The following RNF220 variants were observed in gnomAD, a reference collection of about 807,000 sequenced individuals.
RNF220 encodes ring finger protein 220, also known as E3 ubiquitin-protein ligase RNF220.
RNF220 carries 7 observed loss-of-function variants against 67.1 expected under a neutral mutation model. The observed-to-expected ratio is 0.10, with a 90% CI of 0.06 to 0.20. RNF220 has a LOEUF of 0.20. Ranked by LOEUF, RNF220 falls within the 10% of genes least tolerant of loss-of-function variation. The pLI is 1.00. For missense variants in RNF220, 565 were observed against 740.3 expected (o/e 0.76, Z 2.75); for synonymous variants, 270 against 283.2 (o/e 0.95, Z 0.47).
chr1:44,605,049 C>T (rs1183364682), intron 2 of RNF220, among the ~76,000 whole-genome samples: 1 of 152,092 alleles, frequency 6.6e-6, no homozygotes, highest in Non-Finnish European at 1.5e-5. Context: ...TGCCTGTAAT[C>T]CCAGCACTTT....
intron 2 of RNF220, among the ~76,000 whole-genome samples, chr1:44,560,237 G>A (rs1331849580): frequency 6.6e-6 from 1 of 152,190 alleles, no homozygotes; most frequent in Non-Finnish European, 1.5e-5. Flanking sequence ...CTAGATGGTG[G>A]CTGATGGAGT....
intron 8 of RNF220, among the ~76,000 whole-genome samples, chr1:44,637,662 A>C (rs546461856): frequency 2.6e-5 from 4 of 152,184 alleles, no homozygotes; most frequent in Non-Finnish European, 4.4e-5. Context: ...ATTTGACAAG[A>C]GTATTTCCCC....
chr1:44,500,976 C>T (rs1181391817), intron 2 of RNF220, among the ~76,000 whole-genome samples: 2 of 151,934 alleles, frequency 1.3e-5, no homozygotes, highest in Non-Finnish European at 2.9e-5. Context: ...GGCCTGGGGG[C>T]CCCATAGAGG....
intron 2 of RNF220, among the ~76,000 whole-genome samples, chr1:44,529,925 G>A (rs1415285442): frequency 6.6e-6 from 1 of 151,786 alleles, no homozygotes; most frequent in Admixed American, 6.6e-5. Context: ...ATGGTGGTGG[G>A]CGCCTCTACT....
chr1:44,475,437 G>T (rs1655207697), intron 2 of RNF220, among the ~76,000 whole-genome samples: 1 of 151,918 alleles, frequency 6.6e-6, no homozygotes, highest in South Asian at 2.1e-4. Flanking sequence ...CGGCATGGTG[G>T]CGCATGCCTG....
chr1:44,627,869 A>T (rs1644002363), intron 5 of RNF220, among the ~76,000 whole-genome samples: 1 of 152,230 alleles, frequency 6.6e-6, no homozygotes, highest in South Asian at 2.1e-4. Flanking sequence ...CAGCTGACAC[A>T]GCCTGGCCTG....
rs1644170713 is a variant in RNF220 at position 44,632,318 on chromosome 1, G to A, written c.907-25G>A. The A allele has an allele frequency of 1.9e-6, 3 of 1,614,054 alleles. No homozygotes were observed. In the East Asian group the frequency reaches 6.7e-5, roughly 36 times the overall value. ...GCCTGACGCTCTCTTTTCTTTTCTT[G>A]CATCTGCCCGCGATCTTCTCCCAGA... On this transcript the variant is annotated intron_variant, in intron 5 of 14. Transcript: ENST00000361799.
intron 2 of RNF220, among the ~76,000 whole-genome samples, chr1:44,452,694 C>A (rs565626178): frequency 6.6e-6 from 1 of 152,162 alleles, no homozygotes; most frequent in African/African-American, 2.4e-5. Flanking sequence ...TGGTCTCGAA[C>A]TCCTGACCTC....
chr1:44,515,986 G>A (rs1046375004), intron 2 of RNF220, among the ~76,000 whole-genome samples: 3 of 152,226 alleles, frequency 2.0e-5, no homozygotes, highest in African/African-American at 7.2e-5. Context: ...ATCTGAAGAT[G>A]AGACGCTAAA....
At position 44,436,411 on chromosome 1, in the gene RNF220, C is replaced by T. The variant is rs569235352; in HGVS notation, c.625+23689C>T. ...GAGATCGTGTGTGTGCTCACACACA[C>T]ACATGTGTGAGCAAAAGAGAGAATA... On this transcript the variant is annotated intron_variant, in intron 2 of 14. Transcript: ENST00000361799. Among the ~76,000 whole-genome samples, 14 of 96,362 alleles carry T rather than the reference C, an allele frequency of 1.5e-4. 1 individual carries two copies. The South Asian group carries it at 4.4e-3, about 31-fold the overall frequency. 63.2% of individuals were successfully genotyped at this position (96,362 alleles called of 152,430 possible).
chr1:44,646,516 G>T (rs55787877), intron 12 of RNF220, among the ~76,000 whole-genome samples: 1 of 152,236 alleles, frequency 6.6e-6, no homozygotes, highest in Non-Finnish European at 1.5e-5. Context: ...GAGGAATGAC[G>T]TATGGATGTT....
intron 2 of RNF220, among the ~76,000 whole-genome samples, chr1:44,430,753 G>A (rs967747585): frequency 1.3e-5 from 2 of 152,092 alleles, no homozygotes; most frequent in Non-Finnish European, 2.9e-5. Context: ...CACCATCTTG[G>A]CCAGGCTGGT....
At chr1:44,476,060 A>G (rs1025656620) in intron 2 of RNF220, among the ~76,000 whole-genome samples, 2 of 152,086 alleles carry the variant, frequency 1.3e-5, no homozygotes, top group Non-Finnish European at 2.9e-5. Context: ...ATACAGTATG[A>G]TATACATGCT....
chr1:44,623,259 A>C (rs1384221011), intron 4 of RNF220, among the ~76,000 whole-genome samples: 13 of 152,114 alleles, frequency 8.5e-5, no homozygotes, highest in Admixed American at 8.5e-4. Flanking sequence ...TCCTGAGGGG[A>C]ACAAGGAGCC....
chr1:44,644,592 C>T, intron 8 of RNF220, 106 bp from the exon 9 acceptor site: 1 of 798,804 alleles, frequency 1.3e-6, no homozygotes, highest in African/African-American at 1.7e-5. Flanking sequence ...AGGTTTCCCT[C>T]TGGGCCTTAT....
At chr1:44,464,836 C>A (rs888856381) in intron 2 of RNF220, among the ~76,000 whole-genome samples, 1 of 152,136 alleles carries the variant, frequency 6.6e-6, no homozygotes, top group African/African-American at 2.4e-5. Flanking sequence ...AACTGCTCTC[C>A]TTGTCTCTGG....
intron 1 of RNF220, among the ~76,000 whole-genome samples, chr1:44,407,647 A>T (rs551507368): frequency 6.6e-6 from 1 of 152,106 alleles, no homozygotes; most frequent in African/African-American, 2.4e-5. Flanking sequence ...CTGTTCTGCG[A>T]GCCGCGCGGT....
At chr1:44,550,662 T>C (rs1479088525) in intron 2 of RNF220, among the ~76,000 whole-genome samples, 1 of 152,162 alleles carries the variant, frequency 6.6e-6, no homozygotes, top group East Asian at 1.9e-4. Flanking sequence ...TTGCCCCACA[T>C]TCATACCTTA....
chr1:44,465,503 C>A (rs1240882253), intron 2 of RNF220, among the ~76,000 whole-genome samples: 1 of 151,058 alleles, frequency 6.6e-6, no homozygotes, highest in East Asian at 1.9e-4. Flanking sequence ...CTCCCGGGTT[C>A]AGGTGATCCT....
Sources: allele counts gnomAD v4.1 joint callset (sites outside exome capture counted in the v4.1 genomes callset), GRCh38; gene constraint gnomAD v4.1.1; transcripts MANE v1.5; gene names NCBI Gene and HGNC (gene_info 2026-07-23, HGNC 2026-07-21).